Variants in SPATS2L observed in about 807,000 individuals in gnomAD.
SPATS2L encodes spermatogenesis associated serine rich 2 like, also known as SPATS2-like protein.
In SPATS2L, 30 loss-of-function variants were observed where a neutral mutation model predicts 59.6. The observed-to-expected ratio is 0.50, with a 90% CI of 0.38 to 0.68. SPATS2L has a LOEUF of 0.68. Among genes scored for constraint, SPATS2L ranks in the 30% least tolerant of loss-of-function variants. SPATS2L has a pLI of 0.00. For synonymous variants in SPATS2L, 252 were observed against 263.5 expected (o/e 0.96, Z 0.42); for missense variants, 615 against 700.0 (o/e 0.88, Z 1.37).
chr2:200,427,088 C>G (rs894557536), intron 6 of SPATS2L, among the ~76,000 whole-genome samples: 10 of 152,172 alleles, frequency 6.6e-5, no homozygotes, highest in Non-Finnish European at 1.0e-4. Context: ...ATAGCTGATA[C>G]CTTTATAACT....
At chr2:200,433,141 C>T (rs1442616514) in intron 6 of SPATS2L, among the ~76,000 whole-genome samples, 2 of 152,164 alleles carry the variant, frequency 1.3e-5, no homozygotes, top group African/African-American at 4.8e-5. Flanking sequence ...GATATAACAC[C>T]TCTAAATGTA....
Position 200,389,241 on chromosome 2 carries a change from C to T in SPATS2L, c.-4C>T. 1 of 1,580,620 alleles carries T rather than the reference C, an allele frequency of 6.3e-7. No individual in the cohort carries two copies. ...TTTATAGGGCCTATTCCACTAGAAG[C>T]AAGATGGCTGAACTCAATACTCATG... On this transcript the variant is annotated 5_prime_UTR_variant, in exon 3 of 13. Coordinates refer to ENST00000409140, the MANE Select transcript of SPATS2L (RefSeq NM_001100423.2).
intron 2 of SPATS2L, among the ~76,000 whole-genome samples, chr2:200,373,463 AG>A (rs1239078446): frequency 6.6e-6 from 1 of 152,232 alleles, no homozygotes; most frequent in Non-Finnish European, 1.5e-5. Flanking sequence ...ATTCAGAAAT[AG>A]ATACAAATGT....
chr2:200,396,220 G>A (rs1426238681), intron 3 of SPATS2L, among the ~76,000 whole-genome samples: 2 of 151,454 alleles, frequency 1.3e-5, no homozygotes, highest in Non-Finnish European at 2.9e-5. Context: ...TGGAAATGGG[G>A]AACAGCTCAG....
intron 2 of SPATS2L, among the ~76,000 whole-genome samples, chr2:200,349,657 A>C (rs1201393111): frequency 6.6e-6 from 1 of 152,210 alleles, no homozygotes; most frequent in Non-Finnish European, 1.5e-5. Context: ...AAAGAGTCAA[A>C]GACACAGGCA....
At chr2:200,450,190 C>T (rs1329694086) in intron 8 of SPATS2L, among the ~76,000 whole-genome samples, 1 of 152,098 alleles carries the variant, frequency 6.6e-6, no homozygotes, top group African/African-American at 2.4e-5. Context: ...TGTGAAAATT[C>T]ATATATAAGT....
intron 2 of SPATS2L, among the ~76,000 whole-genome samples, chr2:200,355,078 G>T (rs371534674): frequency 1.3e-5 from 2 of 152,032 alleles, no homozygotes; most frequent in African/African-American, 4.8e-5. Context: ...ATAAAAGGCC[G>T]CCCTTCCTCT....
chr2:200,378,192 T>G (rs1425960587), intron 2 of SPATS2L: 2 of 1,001,746 alleles, frequency 2.0e-6, no homozygotes, highest in East Asian at 1.1e-4. Flanking sequence ...CCCAAGATCC[T>G]GCTACTACCC....
At chr2:200,345,642 G>A (rs2080487321) in intron 2 of SPATS2L, among the ~76,000 whole-genome samples, 1 of 152,076 alleles carries the variant, frequency 6.6e-6, no homozygotes, top group African/African-American at 2.4e-5. Context: ...GGGATTCCCT[G>A]CATTTCTTCT....
intron 2 of SPATS2L, among the ~76,000 whole-genome samples, chr2:200,352,911 CCA>C (rs2105848769): frequency 6.6e-6 from 1 of 152,286 alleles, no homozygotes; most frequent in East Asian, 1.9e-4. Context: ...ACATGCACAG[CCA>C]CACAGTGAAC....
intron 2 of SPATS2L, among the ~76,000 whole-genome samples, chr2:200,385,372 T>C (rs2081958499): frequency 6.6e-6 from 1 of 152,240 alleles, no homozygotes; most frequent in African/African-American, 2.4e-5. Context: ...TTGACTACTT[T>C]AAACAATTAA....
chr2:200,358,827 C>G (rs559911171), intron 2 of SPATS2L, among the ~76,000 whole-genome samples: 1 of 151,996 alleles, frequency 6.6e-6, no homozygotes, highest in Admixed American at 6.6e-5. Context: ...TATCTAAAAA[C>G]AAAATTTAAA....
At chr2:200,421,711 T>C (rs2083312594) in intron 6 of SPATS2L, among the ~76,000 whole-genome samples, 1 of 152,226 alleles carries the variant, frequency 6.6e-6, no homozygotes, top group South Asian at 2.1e-4. Context: ...ATCTGAATTC[T>C]CCAGAAATTT....
intron 2 of SPATS2L, among the ~76,000 whole-genome samples, chr2:200,385,472 A>G (rs1033611619): frequency 3.9e-5 from 6 of 152,342 alleles, no homozygotes; most frequent in African/African-American, 1.2e-4. Flanking sequence ...TTTCATTTTC[A>G]TAGCAGGGAG....
chr2:200,418,004 G>C (rs2083136831), intron 5 of SPATS2L, among the ~76,000 whole-genome samples: 1 of 152,026 alleles, frequency 6.6e-6, no homozygotes, highest in Admixed American at 6.6e-5. Flanking sequence ...AGGAACAACA[G>C]CTTCTTAATT....
chr2:200,382,328 G>GC (rs1242280287), intron 2 of SPATS2L, among the ~76,000 whole-genome samples: 1 of 152,154 alleles, frequency 6.6e-6, no homozygotes. Context: ...ACCCGCCTCG[G>GC]CCTCCCAAAA....
At chr2:200,329,600 C>G in intron 2 of SPATS2L, 120 bp downstream of exon 2, 2 of 801,466 alleles carry the variant, frequency 2.5e-6, no homozygotes, top group South Asian at 1.6e-5. Flanking sequence ...TCTGCTGCCT[C>G]TCAGGGCTCA....
intron 2 of SPATS2L, among the ~76,000 whole-genome samples, chr2:200,350,121 G>C (rs1031345364): frequency 6.6e-6 from 1 of 152,172 alleles, no homozygotes; most frequent in Non-Finnish European, 1.5e-5. Flanking sequence ...TGTCCCACAG[G>C]GTTGAGAGGG....
At chr2:200,445,891 A>G (rs1019190242) in intron 8 of SPATS2L, among the ~76,000 whole-genome samples, 1 of 152,134 alleles carries the variant, frequency 6.6e-6, no homozygotes, top group African/African-American at 2.4e-5. Flanking sequence ...CTCTTTGTGA[A>G]CAACTTCACA....
Sources: allele counts gnomAD v4.1 joint callset (sites outside exome capture counted in the v4.1 genomes callset), GRCh38; gene constraint gnomAD v4.1.1; transcripts MANE v1.5; gene names NCBI Gene and HGNC (gene_info 2026-07-23, HGNC 2026-07-21).